The following FXR1 variants were observed in gnomAD, a reference collection of about 807,000 sequenced individuals.
The protein encoded by FXR1 is RNA-binding protein FXR1.
Under a neutral mutation model 84.0 loss-of-function variants are expected in FXR1, and 15 were observed. The observed-to-expected ratio is 0.18, with a 90% CI of 0.12 to 0.27. The LOEUF (loss-of-function observed/expected upper bound fraction) is 0.27, where lower values mean the gene tolerates loss of function less well. FXR1 is among the 10% of genes least tolerant of loss of function. The pLI is 1.00. For synonymous variants in FXR1, 245 were observed against 250.7 expected, an observed-to-expected ratio of 0.98 and a Z score of 0.21; for missense variants, 480 against 774.4, an observed-to-expected ratio of 0.62 and a Z score of 4.51.
rs1714641935 is a variant in FXR1, at chr3:180,982,161, T to C, written c.*5869T>C. ...CTGCTTAACCTTACTAAACTTCCAT[T>C]TCCTCACATGTAAAATGTACATCAT... is the stretch of plus-strand genomic sequence containing the variant. On this transcript the variant is annotated 3_prime_UTR_variant, in exon 17 of 17. Coordinates refer to ENST00000357559, the MANE Select transcript of FXR1 (RefSeq NM_005087.4). 6.6e-6 allele frequency: 1 copy of C among 152,044 alleles called. No homozygotes were observed. The highest frequency in any genetic ancestry group is 2.1e-4 in the South Asian group (1 of 4,828). The allele number at this position is 152,044 out of a possible 1,614,324, so 9.4% of individuals were successfully genotyped here.
At chr3:180,963,888 AT>A (rs1712463681) in intron 13 of FXR1, among the ~76,000 whole-genome samples, 1 of 150,032 alleles carries the variant, frequency 6.7e-6, no homozygotes, top group Non-Finnish European at 1.5e-5. Flanking sequence ...CCTTCTCTTT[AT>A]TTTCTCTTTT....
intron 3 of FXR1, among the ~76,000 whole-genome samples, 188 bp downstream of exon 3, chr3:180,935,419 A>T (rs374639817): frequency 6.6e-6 from 1 of 152,170 alleles, no homozygotes; most frequent in Admixed American, 6.5e-5. Context: ...CACCTGTCCC[A>T]TTTTTAGCTT....
chr3:180,931,026 C>CAAAAAAAAAAAAAAAA lies in FXR1; in HGVS notation c.52-2302_52-2287dup, dbSNP rs57731098. ...CCTGGGCAACAGAGCGAGACTGCCT[C>CAAAAAAAAAAAAAAAA]AAAAAAAAAAAAAAAAAAAAAGACG... is the stretch of plus-strand genomic sequence containing the variant. On this transcript the variant is annotated intron_variant, in intron 1 of 16. Transcript: ENST00000357559. Among the ~76,000 whole-genome samples the CAAAAAAAAAAAAAAAA allele has an allele frequency of 4.0e-3, 222 of 55,578 alleles. 18 individuals carry two copies. Among genetic ancestry groups the CAAAAAAAAAAAAAAAA allele is most frequent in the African/African-American group, 9.0e-3 (151 of 16,710 alleles). 36.5% of individuals were successfully genotyped at this position (55,578 alleles called of 152,430 possible).
chr3:180,915,601 T>C (rs1257423657), intron 1 of FXR1: 1 of 850,236 alleles, frequency 1.2e-6, no homozygotes, highest in East Asian at 2.6e-5. Flanking sequence ...TGTATTTCTT[T>C]GGTTTTTTTT....
intron 1 of FXR1, among the ~76,000 whole-genome samples, chr3:180,930,627 T>C (rs899973727): frequency 2.0e-5 from 3 of 152,178 alleles, no homozygotes; most frequent in Non-Finnish European, 4.4e-5. Context: ...GCTTTACTAA[T>C]ATTCATAAAC....
Position 180,970,280 on chromosome 3 carries a change from C to T in FXR1, c.1525C>T (p.Arg509Ter). The stretch of plus-strand genomic sequence containing the variant: ...TAACCGTCGTAGGCGGTCTCGTAGA[C>T]GAAGGACTGATGAAGATGCTGTTCT... ...STNRRRRSRR[R>*]RTDEDAVLMD... Residue 509 changes from arginine (R) to a stop codon, truncating the protein, a stop_gained, in exon 15 of 17, where the codon CGA (arginine) becomes TGA (stop). Transcript: ENST00000357559. LOFTEE classifies it high-confidence loss of function. 6.2e-7 allele frequency: 1 copy of T among 1,604,224 alleles called. No homozygotes were observed. The highest frequency in any genetic ancestry group is 8.5e-7 in the Non-Finnish European group (1 of 1,172,252).
At chr3:180,937,317 G>A (rs1191097195) in intron 3 of FXR1, among the ~76,000 whole-genome samples, 1 of 152,002 alleles carries the variant, frequency 6.6e-6, no homozygotes, top group Non-Finnish European at 1.5e-5. Flanking sequence ...AATTGGTAGC[G>A]TCAAGTCTCA....
intron 9 of FXR1, chr3:180,957,449 A>C (rs1711513194): frequency 6.3e-6 from 1 of 158,304 alleles, no homozygotes; most frequent in Non-Finnish European, 1.4e-5. Flanking sequence ...AGTGCTAATG[A>C]TTAATGTCAA....
At chr3:180,933,171 C>T (rs1720134190) in intron 1 of FXR1, 163 bp from the exon 2 acceptor site, 4 of 569,000 alleles carry the variant, frequency 7.0e-6, no homozygotes, top group East Asian at 3.1e-5. Flanking sequence ...CTTAAAAGAT[C>T]ATGTGTCTCA....
intron 1 of FXR1, among the ~76,000 whole-genome samples, chr3:180,932,260 T>C (rs1033588196): frequency 6.6e-6 from 1 of 152,134 alleles, no homozygotes; most frequent in African/African-American, 2.4e-5. Context: ...TGTGTTTATA[T>C]AGCTAGTGTG....
chr3:180,962,025 G>T lies in FXR1; in HGVS notation c.1077+471G>T, dbSNP rs1002709074. 2.6e-5 allele frequency among the ~76,000 whole-genome samples: 4 copies of T among 152,254 alleles called. No individual in the cohort carries two copies. In the South Asian group the frequency reaches 6.2e-4, roughly 24 times the overall value. On this transcript the variant is annotated intron_variant, in intron 11 of 16. Transcript: ENST00000357559. ...CTCCACTGACATTACTCGATAATTT[G>T]TAACCATTGTTAACAAAATAGTCTA...
At chr3:180,967,004 A>C (rs569680963) in intron 13 of FXR1, among the ~76,000 whole-genome samples, 1 of 152,316 alleles carries the variant, frequency 6.6e-6, no homozygotes, top group East Asian at 1.9e-4. Context: ...CACCATTACA[A>C]TAGTTGCAGT....
At chr3:180,963,120 GGTAATA>G (rs1560016330) in intron 13 of FXR1, 30 bp downstream of exon 13, 6 of 758,584 alleles carry the variant, frequency 7.9e-6, no homozygotes, top group Non-Finnish European at 1.3e-5. Context: ...TTTTTTTTTT[GGTAATA>G]GTAATAATAG....
In FXR1 at chr3:180,935,183, A is replaced by T. The variant is rs1720378850; in HGVS notation, c.150A>T (p.Pro50=). The stretch of plus-strand genomic sequence containing the variant: ...TTCCATTTAATGAAGTTAGATTACC[A>T]CCACCACCTGATATAAAAAAAGAAA... ...RQVPFNEVRL[P]PPPDIKKEIS... is the part of the protein sequence containing the mutation. Residue 50 remains proline (P), a synonymous_variant, in exon 3 of 17, where the codon CCA becomes CCT. Coordinates refer to ENST00000357559, the MANE Select transcript of FXR1 (RefSeq NM_005087.4). The T allele has an allele frequency of 6.3e-7, 1 of 1,584,864 alleles. No homozygotes were observed. The highest frequency in any genetic ancestry group is 1.3e-5 in the African/African-American group (1 of 74,262).
chr3:180,965,263 A>T (rs1200953110), intron 13 of FXR1, among the ~76,000 whole-genome samples: 4 of 151,852 alleles, frequency 2.6e-5, no homozygotes, highest in African/African-American at 9.7e-5. Context: ...TGATCTGTCT[A>T]CCTCGCCTCC....
chr3:180,962,098 A>G (rs931294380), intron 11 of FXR1, among the ~76,000 whole-genome samples: 12 of 152,124 alleles, frequency 7.9e-5, no homozygotes, highest in African/African-American at 2.9e-4. Flanking sequence ...AATATGACCC[A>G]TAAATTATTA....
At chr3:180,959,499 C>T (rs1711812637) in intron 10 of FXR1, among the ~76,000 whole-genome samples, 1 of 152,090 alleles carries the variant, frequency 6.6e-6, no homozygotes. Flanking sequence ...TTTATGACTT[C>T]AGCAAGTTAC....
intron 3 of FXR1, among the ~76,000 whole-genome samples, chr3:180,942,412 G>C (rs1047783177): frequency 7.2e-6 from 1 of 139,378 alleles, no homozygotes; most frequent in Non-Finnish European, 1.5e-5. Flanking sequence ...AAAAGGCATA[G>C]GTTGAACATT....
At chr3:180,952,197 A>T (rs889386120) in intron 8 of FXR1, among the ~76,000 whole-genome samples, 5 of 152,140 alleles carry the variant, frequency 3.3e-5, no homozygotes, top group African/African-American at 1.2e-4. Context: ...AGCTCAAGCA[A>T]TCCACCTGCC....
Sources: allele counts gnomAD v4.1 joint callset (sites outside exome capture counted in the v4.1 genomes callset), GRCh38; gene constraint gnomAD v4.1.1; transcripts MANE v1.5; gene names NCBI Gene and HGNC (gene_info 2026-07-23, HGNC 2026-07-21).